Variants in SUMF1 observed in about 807,000 individuals in gnomAD.
SUMF1 encodes the protein sulfatase modifying factor 1, also known as formylglycine-generating enzyme.
Under a neutral mutation model 47.6 loss-of-function variants are expected in SUMF1, and 48 were observed. The observed-to-expected ratio is 1.01, with a 90% confidence interval of 0.80 to 1.28. The LOEUF (loss-of-function observed/expected upper bound fraction) is 1.28, where lower values mean the gene tolerates loss of function less well. Among genes scored for constraint, SUMF1 ranks in the 50% most tolerant of loss-of-function variants. The pLI is 0.00. For missense variants in SUMF1, 571 were observed against 485.4 expected, an observed-to-expected ratio of 1.18 and a Z score of -1.66; for synonymous variants, 230 against 192.1, an observed-to-expected ratio of 1.20 and a Z score of -1.63.
chr3:4,190,364 CA>C (rs978718750), intron 8 of SUMF1, among the ~76,000 whole-genome samples: 12 of 152,036 alleles, frequency 7.9e-5, no homozygotes, highest in African/African-American at 2.7e-4. Context: ...TCCACATTAC[CA>C]CGTAGGCTTG....
intron 8 of SUMF1, among the ~76,000 whole-genome samples, chr3:4,193,442 G>C (rs764611329): frequency 6.6e-6 from 1 of 152,092 alleles, no homozygotes; most frequent in South Asian, 2.1e-4. Context: ...TTGATCAGAA[G>C]TGCAGGTGGA....
intron 8 of SUMF1, among the ~76,000 whole-genome samples, chr3:4,103,928 C>CA (rs1693097066): frequency 6.6e-6 from 1 of 152,152 alleles, no homozygotes; most frequent in Non-Finnish European, 1.5e-5. Flanking sequence ...GATGATAACA[C>CA]AGAGTTTACT....
At chr3:4,217,523 T>TATTATATATATATATTATATATATATATA (rs1553610084) in intron 8 of SUMF1, among the ~76,000 whole-genome samples, 1 of 48,610 alleles carries the variant, frequency 2.1e-5, no homozygotes, top group African/African-American at 8.1e-5. Context: ...TTTATATATA[T>TATTATATATATATATTATATATATATATA]ATATATATAT....
intron 3 of SUMF1, among the ~76,000 whole-genome samples, chr3:4,431,372 C>A (rs532557664): frequency 2.0e-5 from 3 of 152,206 alleles, no homozygotes; most frequent in Non-Finnish European, 4.4e-5. Context: ...TGAGTGGTGT[C>A]TTTGCTTTAG....
intron 8 of SUMF1, among the ~76,000 whole-genome samples, chr3:4,110,004 A>C (rs1189315938): frequency 6.6e-6 from 1 of 151,982 alleles, no homozygotes; most frequent in African/African-American, 2.4e-5. Flanking sequence ...AGGCGCTCTG[A>C]TTTTTAGAGT....
chr3:4,420,161 G>C lies in SUMF1; in HGVS notation c.520-15C>G, dbSNP rs1701844602. The C allele has an allele frequency of 3.7e-6, 6 of 1,610,490 alleles. No homozygotes were observed. Among genetic ancestry groups the C allele is most frequent in the Non-Finnish European group, 5.1e-6 (6 of 1,177,870 alleles). On this transcript the variant is annotated splice_polypyrimidine_tract_variant and intron_variant, in intron 3 of 8. Transcript: ENST00000272902. ...GCAGCTGCAACCTCAAAGCAACCCA[G>C]AACAGGCTGATGTTAGCTACTAACA...
chr3:4,136,069 C>A (rs533616994), intron 8 of SUMF1, among the ~76,000 whole-genome samples: 2 of 152,192 alleles, frequency 1.3e-5, no homozygotes, highest in African/African-American at 4.8e-5. Flanking sequence ...TTTATAGATT[C>A]AATGCCATCC....
intron 3 of SUMF1, among the ~76,000 whole-genome samples, chr3:4,447,162 G>A (rs752416819): frequency 6.6e-6 from 1 of 151,616 alleles, no homozygotes; most frequent in Non-Finnish European, 1.5e-5. Context: ...GTGATTTTCT[G>A]TATTTGTCTT....
At chr3:4,237,429 T>C (rs1051540204) in intron 8 of SUMF1, among the ~76,000 whole-genome samples, 2 of 152,186 alleles carry the variant, frequency 1.3e-5, no homozygotes, top group Non-Finnish European at 2.9e-5. Flanking sequence ...ATACCTTCTT[T>C]GATTATGTGT....
chr3:4,148,099 G>C (rs1012952318), intron 8 of SUMF1, among the ~76,000 whole-genome samples: 3 of 152,066 alleles, frequency 2.0e-5, no homozygotes, highest in Admixed American at 6.6e-5. Flanking sequence ...TCCGTACATA[G>C]GTATAGCTCC....
chr3:4,337,670 G>A (rs191756289), intron 8 of SUMF1, among the ~76,000 whole-genome samples: 188 of 152,256 alleles, frequency 1.2e-3, no homozygotes, highest in Non-Finnish European at 2.3e-3. Flanking sequence ...TTTGTGCATA[G>A]TAGGTGGATA....
chr3:4,318,815 G>A (rs967984663), intron 8 of SUMF1, among the ~76,000 whole-genome samples: 16 of 152,042 alleles, frequency 1.1e-4, no homozygotes, highest in African/African-American at 1.7e-4. Flanking sequence ...GGCTGAGGCA[G>A]GAGAATCATT....
intron 8 of SUMF1, among the ~76,000 whole-genome samples, chr3:4,091,036 G>A (rs559226657): frequency 5.6e-4 from 85 of 151,188 alleles, no homozygotes; most frequent in Middle Eastern, 3.4e-3. Flanking sequence ...AGCCAAGATC[G>A]CTCCACTGCA....
At chr3:4,420,384 T>C (rs764631864) in intron 3 of SUMF1, among the ~76,000 whole-genome samples, 1 of 144,858 alleles carries the variant, frequency 6.9e-6, no homozygotes, top group Non-Finnish European at 1.5e-5. Context: ...TTAAATGGTG[T>C]ATATCTATAA....
At chr3:4,276,130 G>A (rs1697410570) in intron 8 of SUMF1, among the ~76,000 whole-genome samples, 1 of 152,080 alleles carries the variant, frequency 6.6e-6, no homozygotes, top group Non-Finnish European at 1.5e-5. Flanking sequence ...TTATTGTCCA[G>A]AAATCCACCC....
At chr3:4,381,124 A>G (rs1700490617) in intron 7 of SUMF1, among the ~76,000 whole-genome samples, 1 of 152,184 alleles carries the variant, frequency 6.6e-6, no homozygotes, top group South Asian at 2.1e-4. Flanking sequence ...AAGGAAAGCA[A>G]CAGAAGGGAT....
chr3:4,352,731 TAAAAA>T (rs34628235), intron 8 of SUMF1, among the ~76,000 whole-genome samples: 32 of 108,232 alleles, frequency 3.0e-4, no homozygotes, highest in Middle Eastern at 5.1e-3. Context: ...TTGCTGCGTG[TAAAAA>T]AAAAAAAAAA....
intron 8 of SUMF1, among the ~76,000 whole-genome samples, chr3:4,104,371 T>C (rs1693107942): frequency 6.6e-6 from 1 of 152,062 alleles, no homozygotes; most frequent in South Asian, 2.1e-4. Flanking sequence ...TAAATTACCC[T>C]GTCTCAGGTA....
intron 8 of SUMF1, among the ~76,000 whole-genome samples, chr3:4,295,061 A>T (rs539953829): frequency 3.5e-4 from 54 of 152,306 alleles, no homozygotes; most frequent in Non-Finnish European, 6.9e-4. Flanking sequence ...ATCTAAAAAT[A>T]ATTATAAATC....
Sources: allele counts gnomAD v4.1 joint callset (sites outside exome capture counted in the v4.1 genomes callset), GRCh38; gene constraint gnomAD v4.1.1; transcripts MANE v1.5; gene names NCBI Gene and HGNC (gene_info 2026-07-23, HGNC 2026-07-21).